ZNF549: variants seen among roughly 807,000 people sequenced by gnomAD.
The protein encoded by ZNF549 is zinc finger protein 549.
In ZNF549, 11 loss-of-function variants were observed where a neutral mutation model predicts 11.1. The ratio of observed to expected loss-of-function variants is 0.99; its 90% CI spans 0.62 to 1.64. The LOEUF (loss-of-function observed/expected upper bound fraction) is 1.64. Among genes scored for constraint, ZNF549 ranks in the 40% most tolerant of loss-of-function variants. The pLI is 0.00. For missense variants in ZNF549, 748 were observed against 765.1 expected, an observed-to-expected ratio of 0.98 and a Z score of 0.26; for synonymous variants, 266 against 269.1, an observed-to-expected ratio of 0.99 and a Z score of 0.11.
Position 57,537,089 on chromosome 19 carries a change from A to G in ZNF549, c.200-115A>G, listed in dbSNP as rs532587258. On this transcript the variant is annotated intron_variant, in intron 3 of 3. Coordinates refer to ENST00000376233, the MANE Select transcript of ZNF549 (RefSeq NM_001199295.2). ...CATCTGGGTGACAGAGCAAGACCCT[A>G]TCTCAAAGAAAAACCATGGACTCGT... 1.7e-4 allele frequency: 207 copies of G among 1,241,272 alleles called. 1 individual carries two copies. Among genetic ancestry groups the G allele is most frequent in the African/African-American group, 1.3e-3 (85 of 66,620 alleles). 76.9% of individuals were successfully genotyped at this position (1,241,272 alleles called of 1,614,324 possible). A position where few individuals can be genotyped will look rare whatever the true frequency, so the allele number is the denominator to read the frequency against.
chr19:57,534,764 A>G (rs1057110532), intron 2 of ZNF549, among the ~76,000 whole-genome samples: 3 of 152,208 alleles, frequency 2.0e-5, no homozygotes, highest in Non-Finnish European at 4.4e-5. Flanking sequence ...TCCCTTGAGC[A>G]GAGTGGCATG....
intron 2 of ZNF549, among the ~76,000 whole-genome samples, chr19:57,534,458 AT>A (rs1437174246): frequency 6.6e-6 from 1 of 152,126 alleles, no homozygotes; most frequent in Non-Finnish European, 1.5e-5. Flanking sequence ...AGCAAATGAG[AT>A]TGACTGGGAG....
chr19:57,529,105 T>C (rs183946784), intron 1 of ZNF549, among the ~76,000 whole-genome samples: 1 of 152,358 alleles, frequency 6.6e-6, no homozygotes, highest in African/African-American at 2.4e-5. Context: ...AATGTTTAAA[T>C]GCACAAATAA....
rs778979017 is a variant in ZNF549 at position 57,537,689 on chromosome 19, A to G, written c.685A>G (p.Asn229Asp). The G allele has an allele frequency of 6.2e-7, 1 of 1,614,212 alleles. No homozygotes were observed. The highest frequency in any genetic ancestry group is 8.5e-7 in the Non-Finnish European group (1 of 1,180,034). The change falls in exon 4 of 4, where the codon AAT becomes GAT. Residue 229 changes from asparagine (N) to aspartate (D), a missense_variant. Coordinates refer to ENST00000376233, the MANE Select transcript of ZNF549 (RefSeq NM_001199295.2). ...QRRYKCEQVFNEKVHVTEHQR... is the reference protein window; with the variant it reads ...QRRYKCEQVFDEKVHVTEHQR... The stretch of plus-strand genomic sequence containing the variant: ...ACGTTACAAATGTGAGCAAGTTTTC[A>G]ATGAGAAAGTTCATGTTACTGAGCA...
rs1421653596 is a variant in ZNF549, at chr19:57,537,229, G to A, written c.225G>A (p.Glu75=). ...SVGCLHGIEA[E]EAPSEQTLSA... ...GTTGTTTGCATGGAATAGAGGCTGA[G>A]GAGGCCCCTTCTGAGCAGACTCTTT... The change falls in exon 4 of 4, where the codon GAG becomes GAA. Residue 75 remains glutamate (E), a synonymous_variant. Coordinates refer to ENST00000376233, the MANE Select transcript of ZNF549 (RefSeq NM_001199295.2). 8 of 1,613,852 alleles carry A rather than the reference G, an allele frequency of 5.0e-6. No individual in the cohort carries two copies. In the Admixed American group the frequency reaches 5.0e-5, roughly 10 times the overall value.
chr19:57,527,708 G>A lies in ZNF549; in HGVS notation c.33+102G>A, dbSNP rs1030014079. On this transcript the variant is annotated intron_variant, in intron 1 of 3. Coordinates refer to ENST00000376233, the MANE Select transcript of ZNF549 (RefSeq NM_001199295.2). Reference sequence around the variant, plus strand: ...TCAGGCCTCTTCTCCAGGACAGCGAGGAGTTCTGGGTGGGGTCCTCAGAGC... The same window carrying A: ...TCAGGCCTCTTCTCCAGGACAGCGAAGAGTTCTGGGTGGGGTCCTCAGAGC... The A allele has an allele frequency of 5.6e-6, 8 of 1,439,560 alleles. No homozygotes were observed. The East Asian group carries it at 2.0e-4, about 36-fold the overall frequency. 89.2% of individuals were successfully genotyped at this position (1,439,560 alleles called of 1,614,324 possible).
intron 3 of ZNF549, 98 bp from the exon 4 acceptor site, chr19:57,537,106 T>G (rs780939016): frequency 6.0e-5 from 84 of 1,403,116 alleles, no homozygotes; most frequent in Non-Finnish European, 7.4e-5. Flanking sequence ...AGAAAAACCA[T>G]GGACTCGTCC....
chr19:57,527,461 G>A lies in ZNF549; in HGVS notation c.-113G>A, dbSNP rs918398590. 9.6e-6 allele frequency: 14 copies of A among 1,461,378 alleles called. No individual in the cohort carries two copies. Among genetic ancestry groups the A allele is most frequent in the Non-Finnish European group, 1.2e-5 (13 of 1,063,130 alleles). The allele number at this position is 1,461,378 out of a possible 1,614,324, so 90.5% of individuals were successfully genotyped here. A position where few individuals can be genotyped will look rare whatever the true frequency, so the allele number is the denominator to read the frequency against. On this transcript the variant is annotated 5_prime_UTR_variant, in exon 1 of 4. Transcript: ENST00000376233. ...CCGGTGGAGGTGGTGTCCGCCCGCA[G>A]AGGAGCTTGCCTGGTCTCGGTCTGA...
intron 1 of ZNF549, among the ~76,000 whole-genome samples, chr19:57,530,385 C>T (rs1295532788): frequency 1.3e-5 from 2 of 152,176 alleles, no homozygotes; most frequent in African/African-American, 2.4e-5. Flanking sequence ...CCATATGCAT[C>T]GCTTCCATTT....
At chr19:57,529,842 C>G (rs895626912) in intron 1 of ZNF549, among the ~76,000 whole-genome samples, 1 of 151,970 alleles carries the variant, frequency 6.6e-6, no homozygotes, top group African/African-American at 2.4e-5. Flanking sequence ...GCCGAGATTG[C>G]ACCACTACAC....
intron 2 of ZNF549, among the ~76,000 whole-genome samples, chr19:57,531,528 AT>A (rs2089904102): frequency 6.6e-6 from 1 of 152,004 alleles, no homozygotes; most frequent in East Asian, 1.9e-4. Flanking sequence ...AGAGTACAAT[AT>A]TTTTTTTCTT....
intron 1 of ZNF549, among the ~76,000 whole-genome samples, chr19:57,528,049 C>T (rs1454529284): frequency 6.6e-6 from 1 of 152,040 alleles, no homozygotes; most frequent in Non-Finnish European, 1.5e-5. Flanking sequence ...TGGGGGTGGA[C>T]GCAGGGATAC....
intron 2 of ZNF549, among the ~76,000 whole-genome samples, chr19:57,532,178 G>A (rs951799171): frequency 1.3e-4 from 20 of 152,162 alleles, no homozygotes; most frequent in African/African-American, 4.6e-4. Context: ...CATTGTGATT[G>A]CAGAGCAGAC....
chr19:57,528,062 G>A (rs982689017), intron 1 of ZNF549, among the ~76,000 whole-genome samples: 3 of 152,202 alleles, frequency 2.0e-5, no homozygotes, highest in Non-Finnish European at 4.4e-5. Context: ...AGGGATACTG[G>A]TGAGGAGACT....
At chr19:57,536,015 C>T (rs1245314444) in intron 3 of ZNF549, among the ~76,000 whole-genome samples, 4 of 152,236 alleles carry the variant, frequency 2.6e-5, no homozygotes, top group East Asian at 1.9e-4. Context: ...TGCCAGGGCT[C>T]ATGGCCATAC....
At position 57,527,620 on chromosome 19, in the gene ZNF549, C is replaced by G; in HGVS notation, c.33+14C>G. ...ATTACGCCGCAGGTGAGAGCGGAGT[C>G]CTCGGATCCTCACCTGGGTCCTGAG... On this transcript the variant is annotated intron_variant, in intron 1 of 3. Transcript: ENST00000376233. 1 of 1,613,242 alleles carries G rather than the reference C, an allele frequency of 6.2e-7. No homozygotes were observed. The highest frequency in any genetic ancestry group is 8.5e-7 in the Non-Finnish European group (1 of 1,179,742).
Position 57,527,613 on chromosome 19 carries a change from G to A in ZNF549, c.33+7G>A. Reference sequence around the variant, plus strand: ...GCTAGTGATTACGCCGCAGGTGAGAGCGGAGTCCTCGGATCCTCACCTGGG... The same window carrying A: ...GCTAGTGATTACGCCGCAGGTGAGAACGGAGTCCTCGGATCCTCACCTGGG... On this transcript the variant is annotated splice_region_variant and intron_variant, in intron 1 of 3. Transcript: ENST00000376233. 1 of 1,613,568 alleles carries A rather than the reference G, an allele frequency of 6.2e-7. No individual in the cohort carries two copies. Among genetic ancestry groups the A allele is most frequent in the African/African-American group, 1.3e-5 (1 of 75,044 alleles).
intron 2 of ZNF549, among the ~76,000 whole-genome samples, chr19:57,533,950 G>T (rs2089913794): frequency 6.6e-6 from 1 of 152,162 alleles, no homozygotes; most frequent in South Asian, 2.1e-4. Context: ...CCTTCACAAT[G>T]TGGAGTCTCA....
At chr19:57,535,500 T>C (rs969972416) in intron 3 of ZNF549, 3 of 494,076 alleles carry the variant, frequency 6.1e-6, no homozygotes, top group African/African-American at 5.7e-5. Flanking sequence ...TCTTGTAACT[T>C]GCCCAACCGA....
Sources: allele counts gnomAD v4.1 joint callset (sites outside exome capture counted in the v4.1 genomes callset), GRCh38; gene constraint gnomAD v4.1.1; transcripts MANE v1.5; gene names NCBI Gene and HGNC (gene_info 2026-07-23, HGNC 2026-07-21).